PDXDC1: variants seen among roughly 807,000 people sequenced by gnomAD.
PDXDC1 encodes the protein pyridoxal-dependent decarboxylase domain-containing protein 1.
In PDXDC1, 42 loss-of-function variants were observed where a neutral mutation model predicts 100.1. That is an observed-to-expected ratio of 0.42 (90% CI 0.33 to 0.54). The LOEUF is 0.54. Ranked by LOEUF, PDXDC1 falls within the 20% of genes least tolerant of loss-of-function variation. The pLI is 0.10. For missense variants in PDXDC1, 636 were observed against 979.2 expected (o/e 0.65, Z 4.68); for synonymous variants, 260 against 371.7 (o/e 0.70, Z 3.46).
At chr16:15,136,035 G>C in intron 16 of PDXDC1, 3 of 1,553,242 alleles carry the variant, frequency 1.9e-6, no homozygotes, top group Non-Finnish European at 2.6e-6. Context: ...CGGGCAGCCA[G>C]TTCTGGCAGC....
the PDXDC1 span, among the ~76,000 whole-genome samples, chr16:15,145,091 CTCCCCCAACACCA>C: frequency 1.3e-5 from 2 of 152,198 alleles, no homozygotes; most frequent in African/African-American, 4.8e-5. Flanking sequence ...GGCCCTCCTC[CTCCCCCAACACCA>C]TCCCCCAAAC....
At chr16:15,147,693 T>A in the PDXDC1 span, among the ~76,000 whole-genome samples, 1 of 151,932 alleles carries the variant, frequency 6.6e-6, no homozygotes, top group Non-Finnish European at 1.5e-5. Context: ...TGCTCAGCAT[T>A]TTTTTGTTTT....
At chr16:14,983,091 T>C (rs1187792106) in intron 1 of PDXDC1, among the ~76,000 whole-genome samples, 1 of 152,270 alleles carries the variant, frequency 6.6e-6, no homozygotes, top group Non-Finnish European at 1.5e-5. Flanking sequence ...TGGTTTCTCT[T>C]TAGTTAGCCC....
chr16:15,030,767 G>A (rs1021596699), intron 16 of PDXDC1, among the ~76,000 whole-genome samples: 1 of 151,490 alleles, frequency 6.6e-6, no homozygotes, highest in Non-Finnish European at 1.5e-5. Flanking sequence ...ATTTTTTGTA[G>A]AAATGGGGTT....
chr16:15,148,924 T>C, the PDXDC1 span, among the ~76,000 whole-genome samples: 1 of 152,316 alleles, frequency 6.6e-6, no homozygotes, highest in South Asian at 2.1e-4. Flanking sequence ...GTCCACATTT[T>C]TGTCCACAAG....
intron 16 of PDXDC1, among the ~76,000 whole-genome samples, chr16:15,056,504 G>T (rs1462821966): frequency 6.6e-6 from 1 of 152,226 alleles, no homozygotes; most frequent in African/African-American, 2.4e-5. Flanking sequence ...AGGCGGGCAC[G>T]GTGGCTCACG....
At chr16:15,142,514 AG>A (rs1276631583), downstream of PDXDC1, among the ~76,000 whole-genome samples, 1 of 151,622 alleles carries the variant, frequency 6.6e-6, no homozygotes, top group Non-Finnish European at 1.5e-5. Flanking sequence ...CCCAGCCCCC[AG>A]GGTGTGGAAG....
At chr16:15,041,198 G>A (rs753570333), downstream of PDXDC1, 1,775 of 975,320 alleles carry the variant, frequency 1.8e-3, 9 homozygotes, top group Non-Finnish European at 2.5e-3. Flanking sequence ...TAATAAAGGC[G>A]AAGGAGGAGC....
upstream of PDXDC1, chr16:14,974,778 A>T: frequency 6.5e-7 from 1 of 1,535,446 alleles, no homozygotes; most frequent in Non-Finnish European, 8.7e-7. Flanking sequence ...GAGGCGGGAG[A>T]CTTGGAAGCC....
the PDXDC1 span, among the ~76,000 whole-genome samples, chr16:15,144,468 G>A: frequency 4.1e-4 from 63 of 152,278 alleles, no homozygotes; most frequent in East Asian, 0.011. Flanking sequence ...CAGGGAGGCC[G>A]GCCACAACCC....
intron 16 of PDXDC1, among the ~76,000 whole-genome samples, chr16:15,111,776 AAAAT>A (rs2047078434): frequency 6.7e-6 from 1 of 148,558 alleles, no homozygotes; most frequent in Admixed American, 6.7e-5. Flanking sequence ...AAAAAAAAAA[AAAAT>A]GACATGAATA....
chr16:14,975,183 C>T lies in PDXDC1; in HGVS notation c.-17C>T. 2 of 1,452,562 alleles carry T rather than the reference C, an allele frequency of 1.4e-6. No homozygotes were observed. The highest frequency in any genetic ancestry group is 1.8e-6 in the Non-Finnish European group (2 of 1,112,934). The allele number at this position is 1,452,562 out of a possible 1,614,324, so 90.0% of individuals were successfully genotyped here. On this transcript the variant is annotated 5_prime_UTR_variant, in exon 1 of 23. Coordinates refer to ENST00000396410, the MANE Select transcript of PDXDC1 (RefSeq NM_015027.4). ...GTAGAGCCCGGGACCGCCAGGCCAC[C>T]ACCGGCCGCCTCAGCCATGGACGCG...
the PDXDC1 span, among the ~76,000 whole-genome samples, chr16:15,150,213 G>A: frequency 3.9e-5 from 6 of 151,964 alleles, no homozygotes; most frequent in South Asian, 2.1e-4. Flanking sequence ...GCATGGTGGC[G>A]GGCACCAGTC....
At chr16:15,144,890 G>A in the PDXDC1 span, among the ~76,000 whole-genome samples, 3 of 152,186 alleles carry the variant, frequency 2.0e-5, no homozygotes, top group Non-Finnish European at 4.4e-5. Context: ...TATGCCACCT[G>A]CCGCTGGGGT....
intron 16 of PDXDC1, chr16:15,065,144 C>T (rs148347276): frequency 0.026 from 38,014 of 1,461,704 alleles, 590 homozygotes; most frequent in East Asian, 0.064. Context: ...CCAGCCTGGG[C>T]GACAGAGTGA....
At chr16:15,003,409 G>T (rs1019163620) in intron 4 of PDXDC1, among the ~76,000 whole-genome samples, 1 of 152,008 alleles carries the variant, frequency 6.6e-6, no homozygotes, top group African/African-American at 2.4e-5. Flanking sequence ...GTAGAGATGG[G>T]GTTTCACCAT....
chr16:15,137,299 G>C (rs1158992871), intron 16 of PDXDC1: 12 of 1,016,618 alleles, frequency 1.2e-5, no homozygotes, highest in Admixed American at 4.1e-5. Flanking sequence ...CCCTACAGGT[G>C]GGGGCAGGAG....
the PDXDC1 span, among the ~76,000 whole-genome samples, chr16:15,146,050 C>T: frequency 1.3e-5 from 2 of 152,174 alleles, no homozygotes; most frequent in African/African-American, 4.8e-5. Flanking sequence ...CCACCCCATA[C>T]CCTAGGGGAC....
the PDXDC1 span, among the ~76,000 whole-genome samples, chr16:15,147,432 C>A: frequency 4.6e-5 from 7 of 152,314 alleles, no homozygotes; most frequent in East Asian, 1.2e-3. Flanking sequence ...TGGCTGCAAC[C>A]CTGCAGTGCC....
Sources: gnomAD v4.1 joint callset for allele counts (sites outside exome capture counted in the v4.1 genomes callset) on GRCh38, gnomAD v4.1.1 for gene constraint, MANE v1.5 for transcripts, NCBI Gene and HGNC (gene_info 2026-07-23, HGNC 2026-07-21) for gene names.